The following HACE1 variants were observed in gnomAD, a reference collection of about 807,000 sequenced individuals.
The protein encoded by HACE1 is HECT domain and ankyrin repeat containing E3 ubiquitin protein ligase 1, also known as E3 ubiquitin-protein ligase HACE1.
A neutral mutation model predicts 118.4 loss-of-function variants in HACE1; 73 were observed. The ratio of observed to expected loss-of-function variants is 0.62; its 90% CI spans 0.51 to 0.75. The LOEUF is 0.75. Among genes scored for constraint, HACE1 ranks in the 30% least tolerant of loss-of-function variants. The pLI is 0.00. For synonymous variants in HACE1, 368 were observed against 374.8 expected, an observed-to-expected ratio of 0.98 and a Z score of 0.21; for missense variants, 749 against 1,102.2, an observed-to-expected ratio of 0.68 and a Z score of 4.54.
At chr6:104,777,381 C>T in intron 14 of HACE1, 64 bp from the exon 15 acceptor site, 1 of 969,466 alleles carries the variant, frequency 1.0e-6, no homozygotes, top group Middle Eastern at 2.1e-4. Flanking sequence ...ATCAGATTTA[C>T]TAGCTTGCTA....
chr6:104,753,415 C>T (rs1027542334), intron 19 of HACE1, among the ~76,000 whole-genome samples: 2 of 152,172 alleles, frequency 1.3e-5, no homozygotes, highest in African/African-American at 4.8e-5. Context: ...TAGGCAAGTC[C>T]CTGATCCCAT....
intron 11 of HACE1, among the ~76,000 whole-genome samples, 194 bp downstream of exon 11, chr6:104,791,310 A>C (rs2114838037): frequency 6.6e-6 from 1 of 152,344 alleles, no homozygotes; most frequent in African/African-American, 2.4e-5. Flanking sequence ...TTGTAAGAAA[A>C]ATACAGAAAG....
intron 7 of HACE1, among the ~76,000 whole-genome samples, chr6:104,809,624 AG>A (rs879934292): frequency 8.6e-5 from 13 of 151,594 alleles, no homozygotes; most frequent in Non-Finnish European, 1.3e-4. Context: ...TTTATATACA[AG>A]GCTTAAACAC....
At chr6:104,845,143 A>C (rs1291116412) in intron 4 of HACE1, among the ~76,000 whole-genome samples, 8 of 152,020 alleles carry the variant, frequency 5.3e-5, no homozygotes, top group Non-Finnish European at 1.2e-4. Flanking sequence ...TTTTGCCATT[A>C]CTTTGAATGG....
At chr6:104,750,581 C>T in intron 19 of HACE1, 109 bp from the exon 20 acceptor site, 1 of 1,017,148 alleles carries the variant, frequency 9.8e-7, no homozygotes, top group Non-Finnish European at 1.5e-6. Context: ...AAAATTGACA[C>T]CAACACTCAT....
intron 6 of HACE1, among the ~76,000 whole-genome samples, chr6:104,812,837 T>C (rs76727366): frequency 0.024 from 3,582 of 152,274 alleles, 166 homozygotes; most frequent in African/African-American, 0.083. Flanking sequence ...ATAGGAGGAA[T>C]AGTTGAAAGT....
intron 22 of HACE1, chr6:104,730,825 T>A (rs12526516): frequency 0.21 from 38,636 of 181,088 alleles, 5,297 homozygotes; most frequent in African/African-American, 0.42. Flanking sequence ...GTTTGTTGAA[T>A]AGATTAATAT....
At chr6:104,832,485 C>T (rs760683542) in intron 6 of HACE1, among the ~76,000 whole-genome samples, 27 of 152,212 alleles carry the variant, frequency 1.8e-4, no homozygotes, top group Admixed American at 3.3e-4. Context: ...CCGCTGACTG[C>T]TGAGCTCAAG....
At chr6:104,824,197 G>A (rs186349129) in intron 6 of HACE1, among the ~76,000 whole-genome samples, 121 of 152,282 alleles carry the variant, frequency 7.9e-4, no homozygotes, top group South Asian at 2.3e-3. Context: ...GTGCAAAATG[G>A]AGTCTCATTC....
rs921633532 is a variant in HACE1 at position 104,841,826 on chromosome 6, T to C, written c.402+1397A>G. 2.0e-5 allele frequency among the ~76,000 whole-genome samples: 3 copies of C among 152,290 alleles called. No individual in the cohort carries two copies. The East Asian group carries it at 5.8e-4, about 29-fold the overall frequency. ...TCAAAACAACTACTCAACAGTAACA[T>C]AATTCTATGTTATCTCTACTTCTAA... is the stretch of plus-strand genomic sequence containing the variant. On this transcript the variant is annotated intron_variant, in intron 5 of 23. Coordinates refer to ENST00000262903, the MANE Select transcript of HACE1 (RefSeq NM_020771.4).
intron 22 of HACE1, among the ~76,000 whole-genome samples, chr6:104,737,245 T>C (rs1562255128): frequency 7.8e-6 from 1 of 127,390 alleles, no homozygotes; most frequent in Non-Finnish European, 1.5e-5. Flanking sequence ...ATCGAGCCAC[T>C]GCACTCCAGC....
intron 5 of HACE1, among the ~76,000 whole-genome samples, chr6:104,840,531 TA>T (rs1562488496): frequency 6.6e-6 from 1 of 151,964 alleles, no homozygotes. Flanking sequence ...TAAAATCCAT[TA>T]AAATAGCTGA....
intron 19 of HACE1, among the ~76,000 whole-genome samples, chr6:104,768,693 C>T (rs1004208597): frequency 2.6e-5 from 4 of 151,988 alleles, no homozygotes; most frequent in Admixed American, 6.6e-5. Flanking sequence ...CTGCTATTAA[C>T]ACTCCTAATT....
At chr6:104,833,644 G>A (rs1774227736) in intron 5 of HACE1, among the ~76,000 whole-genome samples, 1 of 152,132 alleles carries the variant, frequency 6.6e-6, no homozygotes, top group South Asian at 2.1e-4. Context: ...ACGAGTTCAA[G>A]ATCAGCCTGG....
chr6:104,858,270 G>A (rs1276469133), intron 1 of HACE1: 1 of 174,584 alleles, frequency 5.7e-6, no homozygotes, highest in African/African-American at 2.4e-5. Flanking sequence ...ATTCGACTAC[G>A]AAAAATAAGT....
intron 7 of HACE1, among the ~76,000 whole-genome samples, chr6:104,808,545 C>A (rs995228659): frequency 2.0e-5 from 3 of 152,204 alleles, no homozygotes; most frequent in African/African-American, 7.2e-5. Context: ...TAATACCATT[C>A]TAAATTTAAT....
intron 22 of HACE1, among the ~76,000 whole-genome samples, chr6:104,736,730 C>T (rs1340181319): frequency 6.6e-6 from 1 of 152,064 alleles, no homozygotes; most frequent in Non-Finnish European, 1.5e-5. Flanking sequence ...AAAAATACTG[C>T]TTACTTGGCA....
intron 11 of HACE1, among the ~76,000 whole-genome samples, chr6:104,790,759 A>C (rs540109492): frequency 1.3e-5 from 2 of 152,366 alleles, no homozygotes; most frequent in East Asian, 3.9e-4. Context: ...CGTTTCAAAA[A>C]ATAAATACAT....
At chr6:104,742,863 A>AT (rs1491426131) in intron 22 of HACE1, among the ~76,000 whole-genome samples, 1 of 151,986 alleles carries the variant, frequency 6.6e-6, no homozygotes, top group Non-Finnish European at 1.5e-5. Flanking sequence ...ACATGCACAC[A>AT]TATGTTTATT....
Sources: allele counts gnomAD v4.1 joint callset (sites outside exome capture counted in the v4.1 genomes callset), GRCh38; gene constraint gnomAD v4.1.1; transcripts MANE v1.5; gene names NCBI Gene and HGNC (gene_info 2026-07-23, HGNC 2026-07-21).